PDGFC: variants seen among roughly 807,000 people sequenced by gnomAD.
PDGFC encodes the protein platelet-derived growth factor C.
Under a neutral mutation model 35.5 loss-of-function variants are expected in PDGFC, and 12 were observed. The ratio of observed to expected loss-of-function variants is 0.34; its 90% confidence interval spans 0.22 to 0.55. PDGFC has a LOEUF of 0.55. Ranked by LOEUF, PDGFC falls within the 20% of genes least tolerant of loss-of-function variation. The pLI is 0.91. For synonymous variants in PDGFC, 159 were observed against 148.8 expected (o/e 1.07, Z -0.50); for missense variants, 322 against 412.4 (o/e 0.78, Z 1.90).
chr4:156,795,626 A>G (rs1367770153), intron 3 of PDGFC, among the ~76,000 whole-genome samples: 2 of 152,240 alleles, frequency 1.3e-5, no homozygotes, highest in Non-Finnish European at 2.9e-5. Flanking sequence ...TATGTTCATG[A>G]GCAGACTTCC....
At chr4:156,787,125 G>T (rs1731149848) in intron 3 of PDGFC, among the ~76,000 whole-genome samples, 1 of 152,140 alleles carries the variant, frequency 6.6e-6, no homozygotes, top group South Asian at 2.1e-4. Flanking sequence ...TTAGGAAGAG[G>T]TGCCATGGTT....
At chr4:156,810,801 T>C (rs1340698798) in intron 3 of PDGFC, 36 bp downstream of exon 3, 3 of 1,293,492 alleles carry the variant, frequency 2.3e-6, no homozygotes, top group Non-Finnish European at 3.2e-6. Flanking sequence ...AAAAAGCTGA[T>C]CCAATTAAAT....
intron 1 of PDGFC, among the ~76,000 whole-genome samples, chr4:156,934,147 T>C (rs1213074477): frequency 6.6e-6 from 1 of 152,168 alleles, no homozygotes; most frequent in Non-Finnish European, 1.5e-5. Flanking sequence ...TTCTGAGAAA[T>C]GTGTCTTTAG....
intron 2 of PDGFC, among the ~76,000 whole-genome samples, chr4:156,833,087 T>A (rs1292496937): frequency 6.6e-6 from 1 of 152,200 alleles, no homozygotes; most frequent in East Asian, 1.9e-4. Flanking sequence ...AATATCAACT[T>A]TTGAAGTTTC....
chr4:156,825,590 TAATA>T (rs1732434733), intron 2 of PDGFC, among the ~76,000 whole-genome samples: 7 of 78,358 alleles, frequency 8.9e-5, no homozygotes, highest in African/African-American at 4.0e-4. Context: ...ATAATAATAA[TAATA>T]AGAAGAAGAA....
At chr4:156,963,485 A>G (rs1560893249) in intron 1 of PDGFC, among the ~76,000 whole-genome samples, 1 of 152,030 alleles carries the variant, frequency 6.6e-6, no homozygotes, top group Non-Finnish European at 1.5e-5. Context: ...AAAACAAAAC[A>G]AAACAAATAC....
At chr4:156,954,610 G>A (rs1732161420) in intron 1 of PDGFC, among the ~76,000 whole-genome samples, 1 of 151,882 alleles carries the variant, frequency 6.6e-6, no homozygotes, top group Non-Finnish European at 1.5e-5. Context: ...TTAAAAATAA[G>A]TTTCCTGGAA....
intron 3 of PDGFC, among the ~76,000 whole-genome samples, chr4:156,806,073 A>G (rs1478830990): frequency 2.0e-5 from 3 of 152,156 alleles, no homozygotes; most frequent in African/African-American, 7.2e-5. Context: ...ATCTTTGTAT[A>G]TAATTTAATA....
intron 5 of PDGFC, 92 bp downstream of exon 5, chr4:156,767,681 T>G: frequency 1.2e-6 from 1 of 800,740 alleles, no homozygotes; most frequent in Non-Finnish European, 2.1e-6. Flanking sequence ...ATACTACGTC[T>G]TTTTTCCAAA....
In PDGFC at chr4:156,894,206, T is replaced by C. The variant is rs544279420; in HGVS notation, c.119-43790A>G. On this transcript the variant is annotated intron_variant, in intron 1 of 5. Transcript: ENST00000502773. ...CCCCCTTTAGAGTTTTGATTAACTA[T>C]ATTTTATCTTAGTAATCTTGACTTT... 3.3e-5 allele frequency among the ~76,000 whole-genome samples: 5 copies of C among 152,344 alleles called. No individual in the cohort carries two copies. The East Asian group carries it at 9.6e-4, about 29-fold the overall frequency.
intron 1 of PDGFC, among the ~76,000 whole-genome samples, chr4:156,856,891 A>G (rs895442527): frequency 2.0e-5 from 3 of 152,148 alleles, no homozygotes; most frequent in African/African-American, 7.2e-5. Flanking sequence ...GATAGGACTT[A>G]GAGTATGCAT....
chr4:156,895,389 C>T (rs901752888), intron 1 of PDGFC, among the ~76,000 whole-genome samples: 3 of 152,054 alleles, frequency 2.0e-5, no homozygotes, highest in African/African-American at 7.2e-5. Context: ...AATCCCAGCA[C>T]TTTGGGAGGC....
intron 1 of PDGFC, among the ~76,000 whole-genome samples, chr4:156,907,415 A>G (rs1560867766): frequency 6.6e-6 from 1 of 151,492 alleles, no homozygotes; most frequent in Non-Finnish European, 1.5e-5. Context: ...AGTTTACTTT[A>G]GCAATCTACA....
chr4:156,906,261 C>T (rs961338141), intron 1 of PDGFC, among the ~76,000 whole-genome samples: 16 of 152,130 alleles, frequency 1.1e-4, no homozygotes, highest in South Asian at 4.2e-4. Flanking sequence ...ATTTTGAATA[C>T]GACAAATTTA....
chr4:156,807,557 G>A (rs967950634), intron 3 of PDGFC, among the ~76,000 whole-genome samples: 2 of 151,982 alleles, frequency 1.3e-5, no homozygotes, highest in Non-Finnish European at 2.9e-5. Flanking sequence ...GAAAAAAAGA[G>A]TGGGTAAATC....
chr4:156,919,827 C>G (rs1731231988), intron 1 of PDGFC, among the ~76,000 whole-genome samples: 1 of 152,152 alleles, frequency 6.6e-6, no homozygotes, highest in African/African-American at 2.4e-5. Flanking sequence ...ACATACAAGC[C>G]TGATACACTT....
chr4:156,772,845 G>A lies in PDGFC; in HGVS notation c.544C>T (p.Pro182Ser). ...ATAGCATTATTAAGCAGGTCCAGTGGCAAAGCTGAAGGGGGTAGCACTGAA... is the reference window on the plus strand; with the variant it reads ...ATAGCATTATTAAGCAGGTCCAGTGACAAAGCTGAAGGGGGTAGCACTGAA... ...SPSVLPPSAL[P>S]LDLLNNAITA... is the part of the protein sequence containing the mutation. Residue 182 changes from proline (P) to serine (S), a missense_variant, in exon 4 of 6, where the codon CCA becomes TCA. By Grantham distance (74) the Pro-to-Ser change is moderately conservative. Coordinates refer to ENST00000502773, the MANE Select transcript of PDGFC (RefSeq NM_016205.3). 1 of 1,613,248 alleles carries A rather than the reference G, an allele frequency of 6.2e-7. No individual in the cohort carries two copies. The highest frequency in any genetic ancestry group is 8.5e-7 in the Non-Finnish European group (1 of 1,179,286).
At chr4:156,804,876 C>T (rs879491139) in intron 3 of PDGFC, among the ~76,000 whole-genome samples, 5 of 150,956 alleles carry the variant, frequency 3.3e-5, no homozygotes, top group Non-Finnish European at 7.4e-5. Flanking sequence ...AAATATGAAT[C>T]AATCAAACCT....
chr4:156,823,362 T>C (rs1283157072), intron 2 of PDGFC, among the ~76,000 whole-genome samples: 1 of 152,228 alleles, frequency 6.6e-6, no homozygotes, highest in Admixed American at 6.5e-5. Flanking sequence ...CACAAGACTG[T>C]TGTGAAGATT....
Sources: allele counts gnomAD v4.1 joint callset (sites outside exome capture counted in the v4.1 genomes callset), GRCh38; gene constraint gnomAD v4.1.1; transcripts MANE v1.5; gene names NCBI Gene and HGNC (gene_info 2026-07-23, HGNC 2026-07-21).